SLC44A5: variants seen among roughly 807,000 people sequenced by gnomAD.
SLC44A5 encodes the protein solute carrier family 44 member 5.
SLC44A5 carries 57 observed loss-of-function variants against 101.8 expected under a neutral mutation model. The observed-to-expected ratio is 0.56, with a 90% CI of 0.45 to 0.70. The LOEUF is 0.70. Ranked by LOEUF, SLC44A5 falls within the 30% of genes least tolerant of loss-of-function variation. The probability of loss-of-function intolerance (pLI) is 0.00; values close to 1 mark genes in which losing one functional copy is unlikely to be tolerated. For missense variants in SLC44A5, 737 were observed against 853.1 expected, an observed-to-expected ratio of 0.86 and a Z score of 1.70; for synonymous variants, 281 against 290.9, an observed-to-expected ratio of 0.97 and a Z score of 0.35.
At chr1:75,339,338 A>G (rs1468586620) in intron 4 of SLC44A5, among the ~76,000 whole-genome samples, 2 of 152,104 alleles carry the variant, frequency 1.3e-5, no homozygotes, top group Non-Finnish European at 2.9e-5. Context: ...TGAAAAGTAC[A>G]AACACTTAGT....
At chr1:75,353,724 T>A (rs1170286477) in intron 3 of SLC44A5, among the ~76,000 whole-genome samples, 2 of 152,236 alleles carry the variant, frequency 1.3e-5, no homozygotes, top group African/African-American at 4.8e-5. Context: ...TTTAAAAGTC[T>A]AAACAGCCAG....
intron 5 of SLC44A5, among the ~76,000 whole-genome samples, chr1:75,297,998 G>A (rs903926232): frequency 5.9e-5 from 9 of 152,104 alleles, no homozygotes; most frequent in African/African-American, 1.7e-4. Flanking sequence ...TCTCTTCCAT[G>A]GAAACACTTC....
chr1:75,519,994 T>C (rs988008281), intron 2 of SLC44A5, among the ~76,000 whole-genome samples: 2 of 152,220 alleles, frequency 1.3e-5, no homozygotes, highest in African/African-American at 4.8e-5. Context: ...GCATAGTCAC[T>C]GAAATCATAA....
At chr1:75,677,084 T>C in the SLC44A5 span, among the ~76,000 whole-genome samples, 1 of 152,018 alleles carries the variant, frequency 6.6e-6, no homozygotes, top group African/African-American at 2.4e-5. Flanking sequence ...ACCAGATCTC[T>C]CCTAAAAGAA....
the SLC44A5 span, among the ~76,000 whole-genome samples, chr1:75,695,088 C>T: frequency 6.6e-6 from 1 of 152,150 alleles, no homozygotes; most frequent in African/African-American, 2.4e-5. Flanking sequence ...AGACTACTAA[C>T]TTTTTGGGAT....
At chr1:75,514,103 C>T (rs900059322) in intron 2 of SLC44A5, among the ~76,000 whole-genome samples, 4 of 152,128 alleles carry the variant, frequency 2.6e-5, no homozygotes, top group South Asian at 2.1e-4. Context: ...CTTCATCCTC[C>T]GAAAGCACTG....
intron 6 of SLC44A5, among the ~76,000 whole-genome samples, chr1:75,252,244 G>T (rs1570474122): frequency 6.6e-6 from 1 of 152,278 alleles, no homozygotes; most frequent in Admixed American, 6.5e-5. Flanking sequence ...TATTCAGGAA[G>T]AATGTTTCTT....
chr1:75,653,712 T>G, the SLC44A5 span, among the ~76,000 whole-genome samples: 2 of 152,202 alleles, frequency 1.3e-5, no homozygotes, highest in Non-Finnish European at 2.9e-5. Context: ...TAACAATTAT[T>G]CTATCTCTAC....
At chr1:75,254,608 G>A (rs1308097372) in intron 6 of SLC44A5, among the ~76,000 whole-genome samples, 1 of 152,060 alleles carries the variant, frequency 6.6e-6, no homozygotes, top group African/African-American at 2.4e-5. Flanking sequence ...TGGAGGATGT[G>A]ATTTGATCAC....
chr1:75,228,688 A>C (rs1490194812), intron 12 of SLC44A5, among the ~76,000 whole-genome samples: 2 of 150,242 alleles, frequency 1.3e-5, no homozygotes, highest in Non-Finnish European at 3.0e-5. Context: ...CTTATATTCC[A>C]TTTTTCTTCT....
chr1:75,290,792 C>G (rs1653477230), intron 5 of SLC44A5, among the ~76,000 whole-genome samples: 1 of 152,142 alleles, frequency 6.6e-6, no homozygotes, highest in Non-Finnish European at 1.5e-5. Flanking sequence ...AACAAGTGAC[C>G]AGCCTATTAA....
At chr1:75,357,742 G>A (rs967103899) in intron 3 of SLC44A5, among the ~76,000 whole-genome samples, 2 of 152,122 alleles carry the variant, frequency 1.3e-5, no homozygotes, top group Non-Finnish European at 2.9e-5. Context: ...ACCATGAGGA[G>A]AGAAATGGAT....
intron 2 of SLC44A5, among the ~76,000 whole-genome samples, chr1:75,397,069 G>A (rs1662171073): frequency 6.6e-6 from 1 of 152,180 alleles, no homozygotes; most frequent in African/African-American, 2.4e-5. Flanking sequence ...AGAATAGCCA[G>A]TGTAGCCTAG....
intron 2 of SLC44A5, among the ~76,000 whole-genome samples, chr1:75,467,318 T>C (rs941859574): frequency 4.6e-5 from 7 of 152,004 alleles, no homozygotes; most frequent in Admixed American, 3.9e-4. Flanking sequence ...TCCACAGAAA[T>C]AGAAAAAACA....
chr1:75,257,901 G>A (rs1286395196), intron 6 of SLC44A5, among the ~76,000 whole-genome samples: 1 of 152,194 alleles, frequency 6.6e-6, no homozygotes, highest in Non-Finnish European at 1.5e-5. Context: ...CAGGGAGGGC[G>A]AGCCAAAGCA....
upstream of SLC44A5, among the ~76,000 whole-genome samples, chr1:75,614,304 G>C (rs1264886329): frequency 1.3e-5 from 2 of 152,064 alleles, no homozygotes; most frequent in Admixed American, 1.3e-4. Context: ...ATGGAGGGGG[G>C]GAATCAGAGG....
chr1:75,644,585 A>G, the SLC44A5 span, among the ~76,000 whole-genome samples: 1 of 151,732 alleles, frequency 6.6e-6, no homozygotes, highest in Non-Finnish European at 1.5e-5. Flanking sequence ...CAAAATACAA[A>G]TTAACAACAA....
intron 2 of SLC44A5, among the ~76,000 whole-genome samples, chr1:75,397,886 C>CCA (rs970243208): frequency 2.6e-5 from 4 of 152,028 alleles, no homozygotes; most frequent in African/African-American, 9.7e-5. Context: ...TTCCCCACCA[C>CCA]CACACACACA....
At chr1:75,639,244 C>T in the SLC44A5 span, among the ~76,000 whole-genome samples, 16 of 151,992 alleles carry the variant, frequency 1.1e-4, 1 homozygote, top group Admixed American at 2.0e-4. Flanking sequence ...GTAATGCATA[C>T]GTTAATCAGC....
Sources: gnomAD v4.1 joint callset for allele counts (sites outside exome capture counted in the v4.1 genomes callset) on GRCh38, gnomAD v4.1.1 for gene constraint, MANE v1.5 for transcripts, NCBI Gene and HGNC (gene_info 2026-07-23, HGNC 2026-07-21) for gene names.